The following VPS37A variants were observed in gnomAD, a reference collection of about 807,000 sequenced individuals.
VPS37A encodes VPS37A subunit of ESCRT-I, also known as vacuolar protein sorting-associated protein 37A.
VPS37A carries 30 observed loss-of-function variants against 49.8 expected under a neutral mutation model. The observed-to-expected ratio is 0.60, with a 90% CI of 0.45 to 0.82. The LOEUF is 0.82. Among genes scored for constraint, VPS37A ranks in the 40% least tolerant of loss-of-function variants. VPS37A has a pLI of 0.00. For synonymous variants in VPS37A, 195 were observed against 160.6 expected (o/e 1.21, Z -1.62); for missense variants, 593 against 464.4 (o/e 1.28, Z -2.55).
chr8:17,293,260 A>G (rs1371715894), intron 11 of VPS37A, among the ~76,000 whole-genome samples: 2 of 150,600 alleles, frequency 1.3e-5, no homozygotes, highest in African/African-American at 5.0e-5. Context: ...GATACTATGT[A>G]TGCTTCATGA....
chr8:17,293,499 C>G (rs1457883394), intron 11 of VPS37A, among the ~76,000 whole-genome samples: 2 of 152,078 alleles, frequency 1.3e-5, no homozygotes, highest in Non-Finnish European at 2.9e-5. Flanking sequence ...TGTTCCCTTG[C>G]TGGCGAGGAG....
chr8:17,293,288 T>C (rs1235010723), intron 11 of VPS37A, among the ~76,000 whole-genome samples: 1 of 151,988 alleles, frequency 6.6e-6, no homozygotes, highest in African/African-American at 2.4e-5. Context: ...GTGCTGTGTT[T>C]TTCAGTTCCA....
chr8:17,261,791 C>G (rs1376177941), intron 1 of VPS37A, among the ~76,000 whole-genome samples: 1 of 152,174 alleles, frequency 6.6e-6, no homozygotes, highest in African/African-American at 2.4e-5. Context: ...GGTTCCTGCC[C>G]ATGGTTTCTG....
At chr8:17,289,122 T>C (rs1815900442) in intron 11 of VPS37A, among the ~76,000 whole-genome samples, 2 of 152,202 alleles carry the variant, frequency 1.3e-5, no homozygotes, top group Admixed American at 1.3e-4. Context: ...GTCAGATGGA[T>C]AGATTCCAGA....
At chr8:17,254,996 CATT>C (rs1812309576) in intron 1 of VPS37A, among the ~76,000 whole-genome samples, 1 of 152,112 alleles carries the variant, frequency 6.6e-6, no homozygotes, top group South Asian at 2.1e-4. Flanking sequence ...TGCATGACAT[CATT>C]ATCTTGAATT....
downstream of VPS37A, among the ~76,000 whole-genome samples, chr8:17,305,266 G>T (rs1817377124): frequency 6.6e-6 from 1 of 152,104 alleles, no homozygotes; most frequent in South Asian, 2.1e-4. Context: ...CATGTATACT[G>T]CCTAAATCAC....
the VPS37A span, among the ~76,000 whole-genome samples, chr8:17,332,340 C>T: frequency 3.3e-5 from 5 of 152,076 alleles, no homozygotes; most frequent in Non-Finnish European, 7.4e-5. Context: ...AAAAGTCTGA[C>T]AAAATTAAAA....
chr8:17,288,098 C>T (rs894364624), intron 11 of VPS37A, among the ~76,000 whole-genome samples: 2 of 152,150 alleles, frequency 1.3e-5, no homozygotes, highest in Non-Finnish European at 2.9e-5. Context: ...ATTTTTGATA[C>T]CAACTTTGCA....
intron 1 of VPS37A, among the ~76,000 whole-genome samples, chr8:17,256,154 A>G (rs1047234234): frequency 2.0e-5 from 3 of 152,038 alleles, no homozygotes; most frequent in East Asian, 1.9e-4. Context: ...ACTGTTCTCC[A>G]TAGCAGACTC....
the VPS37A span, among the ~76,000 whole-genome samples, chr8:17,329,925 G>C: frequency 6.6e-6 from 1 of 152,116 alleles, no homozygotes; most frequent in Admixed American, 6.5e-5. Context: ...AATGGCTCTG[G>C]GGCTGAGATG....
At chr8:17,331,278 T>A in the VPS37A span, 1 of 1,604,936 alleles carries the variant, frequency 6.2e-7, no homozygotes, top group Non-Finnish European at 8.5e-7. Flanking sequence ...TGCCATTGCA[T>A]TAAGCTGCAG....
Position 17,297,203 on chromosome 8 carries a change from A to C in VPS37A, c.*2217A>C, listed in dbSNP as rs564618800. The C allele has an allele frequency of 6.6e-5, 10 of 152,268 alleles. No individual in the cohort carries two copies. The highest frequency in any genetic ancestry group is 9.6e-5 in the African/African-American group (4 of 41,564). 9.4% of individuals were successfully genotyped at this position (152,268 alleles called of 1,614,324 possible). A position where few individuals can be genotyped will look rare whatever the true frequency, so the allele number is the denominator to read the frequency against. On this transcript the variant is annotated 3_prime_UTR_variant, in exon 12 of 12. Coordinates refer to ENST00000324849, the MANE Select transcript of VPS37A (RefSeq NM_152415.3). ...AGGAATACTTAGGAGTTACTAGGCTAATCAGTGTACGAATTTGTCATAGGT... is the reference window on the plus strand; with the variant it reads ...AGGAATACTTAGGAGTTACTAGGCTCATCAGTGTACGAATTTGTCATAGGT...
Position 17,249,224 on chromosome 8 carries a change from G to C in VPS37A, c.125+1855G>C, listed in dbSNP as rs542675894. On this transcript the variant is annotated intron_variant, in intron 1 of 11. Coordinates refer to ENST00000324849, the MANE Select transcript of VPS37A (RefSeq NM_152415.3). ...CTGGTAAGTAAGGGAAGTAATTGATGTGAAATTTATAATTTTGGCCTCCCA... is the reference window on the plus strand; with the variant it reads ...CTGGTAAGTAAGGGAAGTAATTGATCTGAAATTTATAATTTTGGCCTCCCA... Among the ~76,000 whole-genome samples, 10 of 152,310 alleles carry C rather than the reference G, an allele frequency of 6.6e-5. No individual in the cohort carries two copies. The South Asian group carries it at 2.1e-3, about 32-fold the overall frequency.
chr8:17,309,427 C>A, the VPS37A span: 4 of 813,594 alleles, frequency 4.9e-6, no homozygotes, highest in Middle Eastern at 2.2e-4. Flanking sequence ...TTGCAGAAGT[C>A]CCCATCCTCG....
intron 1 of VPS37A, among the ~76,000 whole-genome samples, chr8:17,258,847 A>T (rs1333223125): frequency 1.3e-4 from 20 of 152,012 alleles, no homozygotes; most frequent in Non-Finnish European, 1.5e-4. Context: ...AGTAGGTTGT[A>T]TATGTCCGGC....
chr8:17,308,918 G>A, the VPS37A span, among the ~76,000 whole-genome samples: 3 of 152,146 alleles, frequency 2.0e-5, no homozygotes, highest in Non-Finnish European at 2.9e-5. Flanking sequence ...ACTGTTCCAC[G>A]GGCAGTTCAC....
chr8:17,273,023 C>CTT (rs1166192119), intron 4 of VPS37A, among the ~76,000 whole-genome samples: 1,005 of 43,890 alleles, frequency 0.023, 14 homozygotes, highest in African/African-American at 0.027. Context: ...TTTGCCCTTC[C>CTT]TTTTTTTTTT....
chr8:17,313,317 A>G, the VPS37A span: 10 of 1,612,870 alleles, frequency 6.2e-6, no homozygotes, highest in African/African-American at 4.0e-5. Flanking sequence ...TCCTGCATCC[A>G]TTATGGCTTT....
rs1813408940 is a variant in VPS37A, at chr8:17,265,949, C to T, written c.168C>T (p.Phe56=). Residue 56 remains phenylalanine, a synonymous_variant, in exon 2 of 12, where the codon TTC becomes TTT. Coordinates refer to ENST00000324849, the MANE Select transcript of VPS37A (RefSeq NM_152415.3). The stretch of plus-strand genomic sequence containing the variant: ...AAGATGTGGAATACAGATTGCCATT[C>T]ACCATAAACAACCTGACAATTAACA... ...IQKDVEYRLP[F]TINNLTININ... 2 of 1,613,206 alleles carry T rather than the reference C, an allele frequency of 1.2e-6. No individual in the cohort carries two copies. The highest frequency in any genetic ancestry group is 1.7e-6 in the Non-Finnish European group (2 of 1,179,634).
Sources: gnomAD v4.1 joint callset for allele counts (sites outside exome capture counted in the v4.1 genomes callset) on GRCh38, gnomAD v4.1.1 for gene constraint, MANE v1.5 for transcripts, NCBI Gene and HGNC (gene_info 2026-07-23, HGNC 2026-07-21) for gene names.